The following CEP112 variants were observed in gnomAD, a reference collection of about 807,000 sequenced individuals.
CEP112 encodes centrosomal protein 112, also known as centrosomal protein of 112 kDa.
Under a neutral mutation model 153.0 loss-of-function variants are expected in CEP112, and 127 were observed. The observed-to-expected ratio is 0.83, with a 90% confidence interval of 0.72 to 0.96. The LOEUF (loss-of-function observed/expected upper bound fraction) is 0.96. Among genes scored for constraint, CEP112 ranks in the 40% least tolerant of loss-of-function variants. The probability of loss-of-function intolerance (pLI) is 0.00; values close to 1 mark genes in which losing one functional copy is unlikely to be tolerated. For synonymous variants in CEP112, 358 were observed against 374.4 expected, an observed-to-expected ratio of 0.96 and a Z score of 0.51; for missense variants, 1,089 against 1,101.2, an observed-to-expected ratio of 0.99 and a Z score of 0.16.
chr17:66,105,697 G>A (rs1484604613), intron 6 of CEP112, among the ~76,000 whole-genome samples: 1 of 152,092 alleles, frequency 6.6e-6, no homozygotes, highest in East Asian at 1.9e-4. Context: ...GGGAGGCTGA[G>A]GTGGGAGGAT....
intron 23 of CEP112, among the ~76,000 whole-genome samples, chr17:65,739,666 G>A (rs1329012734): frequency 1.3e-5 from 2 of 151,980 alleles, no homozygotes; most frequent in African/African-American, 4.8e-5. Flanking sequence ...AACCCGGGAG[G>A]CGGAAGTTGC....
At chr17:65,875,963 T>A (rs2058812497) in intron 20 of CEP112, among the ~76,000 whole-genome samples, 2 of 152,152 alleles carry the variant, frequency 1.3e-5, no homozygotes. Flanking sequence ...TTTCTGGCAG[T>A]TTTTTGTTTC....
At chr17:65,974,083 CT>C (rs954952160) in intron 17 of CEP112, among the ~76,000 whole-genome samples, 84 of 146,272 alleles carry the variant, frequency 5.7e-4, no homozygotes, top group Admixed American at 5.5e-4. Context: ...TTTCTTACTT[CT>C]TTTTTTTTTT....
rs1488160034 is a variant in CEP112 at position 66,130,712 on chromosome 17, CT to C, written c.565-890del. Among the ~76,000 whole-genome samples the C allele has an allele frequency of 2.1e-5, 3 of 143,792 alleles. No homozygotes were observed. The East Asian group carries it at 6.0e-4, about 29-fold the overall frequency. 94.3% of individuals were successfully genotyped at this position (143,792 alleles called of 152,430 possible). ...AATGGTGTGAACCCGGGAGGTGGAGCTTGCAGTGAGCCAAGATCACGCCACT... is the reference window on the plus strand; with the variant it reads ...AATGGTGTGAACCCGGGAGGTGGAGCTGCAGTGAGCCAAGATCACGCCACT... On this transcript the variant is annotated intron_variant, in intron 5 of 26. Coordinates refer to ENST00000535342, the MANE Select transcript of CEP112 (RefSeq NM_001199165.4).
At position 65,902,006 on chromosome 17, in the gene CEP112, G is replaced by GGGGA. The variant is rs1277838039; in HGVS notation, c.2163+145_2163+146insTCCC. 47 of 243,268 alleles carry GGGGA rather than the reference G, an allele frequency of 1.9e-4. 1 individual carries two copies. Among genetic ancestry groups the GGGGA allele is most frequent in the African/African-American group, 4.1e-4 (7 of 17,118 alleles). The allele number at this position is 243,268 out of a possible 1,614,324, so 15.1% of individuals were successfully genotyped here. ...AACGGGGGGGGGGGGGGGTGGGGGG[G>GGGGA]AGAAAAACAAAAAAAAAATCACATT... On this transcript the variant is annotated intron_variant, in intron 20 of 26. Coordinates refer to ENST00000535342, the MANE Select transcript of CEP112 (RefSeq NM_001199165.4).
chr17:65,856,026 C>T (rs941403369), intron 20 of CEP112, among the ~76,000 whole-genome samples: 4 of 151,970 alleles, frequency 2.6e-5, no homozygotes, highest in South Asian at 4.2e-4. Flanking sequence ...CCCTGTACTC[C>T]GGCCTGTGTG....
chr17:65,855,279 C>A (rs1287868536), intron 20 of CEP112, among the ~76,000 whole-genome samples: 2 of 152,116 alleles, frequency 1.3e-5, no homozygotes, highest in Admixed American at 1.3e-4. Context: ...ATGTTGGGAG[C>A]AAGAACTCAA....
intron 21 of CEP112, among the ~76,000 whole-genome samples, chr17:65,829,036 T>C (rs1180074718): frequency 6.6e-6 from 1 of 152,152 alleles, no homozygotes; most frequent in African/African-American, 2.4e-5. Flanking sequence ...TTTTAGAGTG[T>C]TTATGCACTG....
chr17:65,669,370 G>A (rs1050668242), intron 24 of CEP112, among the ~76,000 whole-genome samples: 2 of 152,152 alleles, frequency 1.3e-5, no homozygotes, highest in African/African-American at 4.8e-5. Context: ...GTTACCACAG[G>A]GGTATAAACG....
At chr17:65,734,182 T>C (rs535265598) in intron 23 of CEP112, among the ~76,000 whole-genome samples, 3 of 152,306 alleles carry the variant, frequency 2.0e-5, no homozygotes, top group African/African-American at 7.2e-5. Context: ...ATGAACGAGG[T>C]TGGCACGAGT....
rs147249091 is a variant in CEP112 at position 65,637,147 on chromosome 17, T to C, written c.2841A>G (p.Glu947=). Residue 947 remains glutamate (E), a synonymous_variant, in exon 26 of 27, where the codon GAA becomes GAG. Transcript: ENST00000535342. ...LQKRASILQE[E]LTTYQGRR Reference sequence around the variant, plus strand: ...ACCTTCTGCCTTGATATGTAGTCAGTTCTTCCTGAAGGATGGAAGCTCTCT... The same window carrying C: ...ACCTTCTGCCTTGATATGTAGTCAGCTCTTCCTGAAGGATGGAAGCTCTCT... The C allele has an allele frequency of 5.6e-6, 9 of 1,613,918 alleles. No individual in the cohort carries two copies. The Admixed American group carries it at 8.3e-5, about 15-fold the overall frequency.
intron 8 of CEP112, among the ~76,000 whole-genome samples, chr17:66,091,209 A>G (rs1236230309): frequency 6.6e-6 from 1 of 152,158 alleles, no homozygotes; most frequent in Non-Finnish European, 1.5e-5. Context: ...ACAGATATAC[A>G]AAATGTACCA....
At chr17:65,931,250 CA>C (rs2061112928) in intron 18 of CEP112, among the ~76,000 whole-genome samples, 1 of 152,226 alleles carries the variant, frequency 6.6e-6, no homozygotes, top group Non-Finnish European at 1.5e-5. Context: ...CAACAATTCA[CA>C]GACAAGAAAA....
chr17:65,912,870 T>C (rs1424440695), intron 19 of CEP112, among the ~76,000 whole-genome samples: 1 of 152,194 alleles, frequency 6.6e-6, no homozygotes, highest in African/African-American at 2.4e-5. Flanking sequence ...GGGCTCTCTG[T>C]GGAAAACCTT....
chr17:65,743,415 C>A (rs749904883), intron 22 of CEP112, among the ~76,000 whole-genome samples, 198 bp from the exon 23 acceptor site: 11 of 152,134 alleles, frequency 7.2e-5, no homozygotes, highest in Non-Finnish European at 1.3e-4. Context: ...GAATGGTGAA[C>A]AACTGCTGAA....
intron 20 of CEP112, among the ~76,000 whole-genome samples, chr17:65,870,017 G>GA (rs1447048891): frequency 2.9e-5 from 1 of 34,154 alleles, no homozygotes; most frequent in Non-Finnish European, 6.0e-5. Flanking sequence ...TAGAGAATAA[G>GA]AAAGAAAGAA....
chr17:66,008,674 A>G (rs2064378206), intron 16 of CEP112, among the ~76,000 whole-genome samples: 1 of 152,138 alleles, frequency 6.6e-6, no homozygotes, highest in Non-Finnish European at 1.5e-5. Flanking sequence ...TTTAACCAGC[A>G]TCTACCCATT....
intron 21 of CEP112, among the ~76,000 whole-genome samples, chr17:65,775,085 C>T (rs1388156136): frequency 1.3e-5 from 2 of 152,048 alleles, no homozygotes; most frequent in East Asian, 3.9e-4. Context: ...CCCATGAGGT[C>T]AAGACTCCCT....
intron 24 of CEP112, among the ~76,000 whole-genome samples, chr17:65,665,524 T>G (rs997153144): frequency 4.2e-4 from 64 of 152,188 alleles, no homozygotes; most frequent in African/African-American, 1.5e-3. Context: ...GGAACAGAAC[T>G]TTCTCTTTTC....
Sources: allele counts gnomAD v4.1 joint callset (sites outside exome capture counted in the v4.1 genomes callset), GRCh38; gene constraint gnomAD v4.1.1; transcripts MANE v1.5; gene names NCBI Gene and HGNC (gene_info 2026-07-23, HGNC 2026-07-21).